The following TWNK variants were observed in gnomAD, a reference collection of about 807,000 sequenced individuals.
TWNK encodes twinkle mtDNA helicase, also known as T7 gp4-like protein with intramitochondrial nucleoid localization.
TWNK carries 36 observed loss-of-function variants against 58.2 expected under a neutral mutation model. That is an observed-to-expected ratio of 0.62 (90% CI 0.47 to 0.82). The LOEUF (loss-of-function observed/expected upper bound fraction) is 0.82, where lower values mean the gene tolerates loss of function less well. TWNK is among the 40% of genes least tolerant of loss of function. The pLI is 0.00. For synonymous variants in TWNK, 349 were observed against 348.5 expected, an observed-to-expected ratio of 1.00 and a Z score of -0.02; for missense variants, 714 against 881.0, an observed-to-expected ratio of 0.81 and a Z score of 2.40.
At position 100,994,155 on chromosome 10, in the gene TWNK, T is replaced by C. The variant is rs1851862500; in HGVS notation, c.*645T>C. The C allele has an allele frequency of 6.5e-6, 1 of 154,790 alleles. No homozygotes were observed. Among genetic ancestry groups the C allele is most frequent in the Non-Finnish European group, 1.4e-5 (1 of 69,764 alleles). 9.6% of individuals were successfully genotyped at this position (154,790 alleles called of 1,614,324 possible). A position where few individuals can be genotyped will look rare whatever the true frequency, so the allele number is the denominator to read the frequency against. On this transcript the variant is annotated 3_prime_UTR_variant, in exon 5 of 5. Coordinates refer to ENST00000311916, the MANE Select transcript of TWNK (RefSeq NM_021830.5). ...TACCAAGCTCCTCTGCTCCCCACTT[T>C]GTAGAGCCTAGCATGAGGTGGCATG...
rs1209775610 is a variant in TWNK at position 100,992,528 on chromosome 10, T to TAAA, written c.1735-639_1735-637dup. Reference sequence around the variant, plus strand: ...CCGTGCCCAGCTGAGACCCTGTCTTTAAAAAAAAAAAAAAAAAAAAAAAAA... The same window carrying TAAA: ...CCGTGCCCAGCTGAGACCCTGTCTTTAAAAAAAAAAAAAAAAAAAAAAAAAAAA... On this transcript the variant is annotated intron_variant, in intron 4 of 4. Coordinates refer to ENST00000311916, the MANE Select transcript of TWNK (RefSeq NM_021830.5). Among the ~76,000 whole-genome samples the TAAA allele has an allele frequency of 4.4e-4, 40 of 91,146 alleles. 1 individual carries two copies. Among genetic ancestry groups the TAAA allele is most frequent in the African/African-American group, 1.1e-3 (27 of 25,580 alleles). The allele number at this position is 91,146 out of a possible 152,430, so 59.8% of individuals were successfully genotyped here.
Position 100,988,759 on chromosome 10 carries a change from C to G in TWNK, c.549C>G (p.Thr183=). ...VQLADTMFGL[T]KVTDDTLKRF... ...TGGCTGATACAATGTTTGGCCTTAC[C>G]AAGGTTACAGATGACACACTCAAGC... The change falls in exon 1 of 5, where the codon ACC becomes ACG. Residue 183 remains threonine, a synonymous_variant. Transcript: ENST00000311916. The surrounding 1 kb of genome is among the most constrained non-coding windows in gnomAD (Gnocchi z 5.2). 2 of 1,614,156 alleles carry G rather than the reference C, an allele frequency of 1.2e-6. No homozygotes were observed. The highest frequency in any genetic ancestry group is 1.7e-6 in the Non-Finnish European group (2 of 1,180,030).
Position 100,989,976 on chromosome 10 carries a change from C to A in TWNK, c.1484+92C>A. Reference sequence around the variant, plus strand: ...TCCTTTTCCAGCTCCAGTAGGAACTCCCCCATCTCCTTAGGTTTGGAGTTT... The same window carrying A: ...TCCTTTTCCAGCTCCAGTAGGAACTACCCCATCTCCTTAGGTTTGGAGTTT... On this transcript the variant is annotated intron_variant, in intron 2 of 4. Coordinates refer to ENST00000311916, the MANE Select transcript of TWNK (RefSeq NM_021830.5). The surrounding 1 kb of genome is among the most constrained non-coding windows in gnomAD (Gnocchi z 7.6). The A allele has an allele frequency of 6.6e-7, 1 of 1,503,900 alleles. No individual in the cohort carries two copies. Among genetic ancestry groups the A allele is most frequent in the South Asian group, 1.1e-5 (1 of 88,618 alleles). The allele number at this position is 1,503,900 out of a possible 1,614,324, so 93.2% of individuals were successfully genotyped here.
In TWNK at chr10:100,988,885, A is replaced by G. The variant is rs1252195148; in HGVS notation, c.675A>G (p.Lys225=). The change falls in exon 1 of 5, where the codon AAA becomes AAG. Residue 225 remains lysine (K), a synonymous_variant. Coordinates refer to ENST00000311916, the MANE Select transcript of TWNK (RefSeq NM_021830.5). This position sits in a 1 kb window ranked among gnomAD's most constrained non-coding sequence, Gnocchi z 5.2. ...GLRGLKLLEA[K]CQGDGVSYEE... ...GAGGCCTGAAGCTCCTAGAGGCTAA[A>G]TGCCAGGGGGATGGAGTGAGCTACG... is the stretch of plus-strand genomic sequence containing the variant. 1 of 1,614,194 alleles carries G rather than the reference A, an allele frequency of 6.2e-7. No homozygotes were observed. The highest frequency in any genetic ancestry group is 1.1e-5 in the South Asian group (1 of 91,088).
Position 100,987,856 on chromosome 10 carries a change from G to T in TWNK, c.-355G>T. The T allele has an allele frequency of 1.7e-6, 1 of 594,252 alleles. No individual in the cohort carries two copies. 36.8% of individuals were successfully genotyped at this position (594,252 alleles called of 1,614,324 possible). ...TGACTATAGAAATGAGGACGACGAG[G>T]AGATGCTGTGGAGGAGCAGTAGAGG... On this transcript the variant is annotated 5_prime_UTR_variant, in exon 1 of 5. Transcript: ENST00000311916.
Position 100,988,543 on chromosome 10 carries a change from T to C in TWNK, c.333T>C (p.Phe111=), listed in dbSNP as rs1475991228. 9 of 1,614,020 alleles carry C rather than the reference T, an allele frequency of 5.6e-6. No homozygotes were observed. In the African/African-American group the frequency reaches 1.2e-4, roughly 22 times the overall value. ...TCATTGACAAGACCACAGGCCACTTTCTCTGCATGACCAGCCTAGCAGAAG... is the reference window on the plus strand; with the variant it reads ...TCATTGACAAGACCACAGGCCACTTCCTCTGCATGACCAGCCTAGCAGAAG... ...SLFIDKTTGH[F]LCMTSLAEGS... The change falls in exon 1 of 5, where the codon TTT becomes TTC. Residue 111 remains phenylalanine (F), a synonymous_variant. Coordinates refer to ENST00000311916, the MANE Select transcript of TWNK (RefSeq NM_021830.5). This position sits in a 1 kb window ranked among gnomAD's most constrained non-coding sequence, Gnocchi z 5.2.
At chr10:100,993,163 T>C in intron 4 of TWNK, 27 bp from the exon 5 acceptor site, 1 of 1,612,908 alleles carries the variant, frequency 6.2e-7, no homozygotes. Flanking sequence ...TACTCCTGCT[T>C]TCCTCCTTCT....
In TWNK at chr10:100,987,655, G is replaced by A; in HGVS notation, c.-556G>A. The A allele has an allele frequency of 1.5e-6, 1 of 646,988 alleles. No homozygotes were observed. Among genetic ancestry groups the A allele is most frequent in the Non-Finnish European group, 2.6e-6 (1 of 380,700 alleles). 40.1% of individuals were successfully genotyped at this position (646,988 alleles called of 1,614,324 possible). On this transcript the variant is annotated 5_prime_UTR_variant, in exon 1 of 5. Transcript: ENST00000311916. ...GGCCGGCGCGGCGGAGCTCGGAGTA[G>A]TAGAGCGGAGTGAAGACACGGGGGA... is the stretch of plus-strand genomic sequence containing the variant.
chr10:100,993,281 G>A lies in TWNK; in HGVS notation c.1826G>A (p.Arg609His), dbSNP rs1274226715. 6 of 1,614,236 alleles carry A rather than the reference G, an allele frequency of 3.7e-6. No individual in the cohort carries two copies. Among genetic ancestry groups the A allele is most frequent in the Non-Finnish European group, 5.1e-6 (6 of 1,180,050 alleles). ...CGGTATCTGCAGGTGTCCAAGAACC[G>A]CTTTGATGGAGATGTAGGTGTCTTC... ...GKRYLQVSKNRFDGDVGVFPL... is the reference protein window; with the variant it reads ...GKRYLQVSKNHFDGDVGVFPL... The change falls in exon 5 of 5, where the codon CGC (arginine) becomes CAC (histidine). Residue 609 changes from arginine (R) to histidine (H), a missense_variant. Coordinates refer to ENST00000311916, the MANE Select transcript of TWNK (RefSeq NM_021830.5).
rs62626293 is a variant in TWNK at position 100,993,357 on chromosome 10, C to T, written c.1902C>T (p.Asn634=). The change falls in exon 5 of 5, where the codon AAC becomes AAT. Residue 634 remains asparagine (N), a synonymous_variant. Transcript: ENST00000311916. ...NSLTFSIPPK[N]KARLKKIKDD... ...TCACCTTCTCCATTCCACCAAAGAACAAGGCCCGGCTCAAGAAGATCAAGG... is the reference window on the plus strand; with the variant it reads ...TCACCTTCTCCATTCCACCAAAGAATAAGGCCCGGCTCAAGAAGATCAAGG... 74 of 1,614,210 alleles carry T rather than the reference C, an allele frequency of 4.6e-5. No homozygotes were observed. Among genetic ancestry groups the T allele is most frequent in the Non-Finnish European group, 6.0e-5 (71 of 1,180,048 alleles).
In TWNK at chr10:100,990,524, G is replaced by T. The variant is rs371701332; in HGVS notation, c.1573G>T (p.Glu525Ter). The change falls in exon 3 of 5, where the codon GAG becomes TAG. Residue 525 changes from glutamate to a stop codon, truncating the protein, a stop_gained. Coordinates refer to ENST00000311916, the MANE Select transcript of TWNK (RefSeq NM_021830.5). LOFTEE classifies it high-confidence loss of function. Reference sequence around the variant, plus strand: ...CAACCTGCAGTTCATGATGGGTCACGAGCAGCTGTCCACAGACAGGTGACG... The same window carrying T: ...CAACCTGCAGTTCATGATGGGTCACTAGCAGCTGTCCACAGACAGGTGACG... ...IDNLQFMMGHEQLSTDRIAAQ... is the reference protein window; with the variant it reads ...IDNLQFMMGH The T allele has an allele frequency of 1.2e-6, 2 of 1,614,132 alleles. No homozygotes were observed. Among genetic ancestry groups the T allele is most frequent in the South Asian group, 1.1e-5 (1 of 91,050 alleles).
At position 100,989,467 on chromosome 10, in the gene TWNK, A is replaced by G. The variant is rs554596991; in HGVS notation, c.1243+14A>G. On this transcript the variant is annotated intron_variant, in intron 1 of 4. Transcript: ENST00000311916. The surrounding 1 kb of genome is among the most constrained non-coding windows in gnomAD (Gnocchi z 7.6). ...CGGTCTTCACAGGTAACCCTTTGAG[A>G]AATCACTACTTAGAGTAAAGGGGCA... 85 of 1,613,272 alleles carry G rather than the reference A, an allele frequency of 5.3e-5. No individual in the cohort carries two copies. In the South Asian group the frequency reaches 8.9e-4, roughly 17 times the overall value.
chr10:100,993,125 C>T, intron 4 of TWNK, 65 bp from the exon 5 acceptor site: 3 of 1,537,428 alleles, frequency 2.0e-6, no homozygotes, highest in Admixed American at 1.7e-5. Flanking sequence ...CCCTGTCAGC[C>T]CCCCTTTCTG....
Position 100,988,511 on chromosome 10 carries a change from A to G in TWNK, c.301A>G (p.Ser101Gly). 4 of 1,614,186 alleles carry G rather than the reference A, an allele frequency of 2.5e-6. No individual in the cohort carries two copies. The highest frequency in any genetic ancestry group is 3.4e-6 in the Non-Finnish European group (4 of 1,180,036). Residue 101 changes from serine to glycine, a missense_variant, in exon 1 of 5, where the codon AGC becomes GGC. By Grantham distance (56) the Ser-to-Gly change is moderately conservative. Coordinates refer to ENST00000311916, the MANE Select transcript of TWNK (RefSeq NM_021830.5). The surrounding 1 kb of genome is among the most constrained non-coding windows in gnomAD (Gnocchi z 5.2). ...KGQTGVTTSF[S>G]LFIDKTTGHF... The stretch of plus-strand genomic sequence containing the variant: ...CCAGACTGGTGTTACCACTTCCTTC[A>G]GCCTCTTCATTGACAAGACCACAGG...
chr10:100,987,903 CTGTG>C lies in TWNK; in HGVS notation c.-306_-303del, dbSNP rs146265037. 1 of 599,300 alleles carries C rather than the reference CTGTG, an allele frequency of 1.7e-6. No homozygotes were observed. Among genetic ancestry groups the C allele is most frequent in the Admixed American group, 3.0e-5 (1 of 33,654 alleles). The allele number at this position is 599,300 out of a possible 1,614,324, so 37.1% of individuals were successfully genotyped here. On this transcript the variant is annotated 5_prime_UTR_variant, in exon 1 of 5. An upstream open reading frame in the 5' UTR loses its in-frame stop. Coordinates refer to ENST00000311916, the MANE Select transcript of TWNK (RefSeq NM_021830.5). ...GAGGTGAGAAGATGATGCAAAGAAACTGTGTCAGTGAGGAACTGTATAGAGGGTC... is the reference window on the plus strand; with the variant it reads ...GAGGTGAGAAGATGATGCAAAGAAACTCAGTGAGGAACTGTATAGAGGGTC...
rs757207726 is a variant in TWNK at position 100,993,230 on chromosome 10, G to A, written c.1775G>A (p.Arg592Lys). 1 of 1,614,230 alleles carries A rather than the reference G, an allele frequency of 6.2e-7. No individual in the cohort carries two copies. Among genetic ancestry groups the A allele is most frequent in the South Asian group, 1.1e-5 (1 of 91,086 alleles). The change falls in exon 5 of 5, where the codon AGG (arginine) becomes AAG (lysine). Residue 592 changes from arginine (R) to lysine (K), a missense_variant. Transcript: ENST00000311916. ...EADNVLILQD[R>K]KLVTGPGKRY... The stretch of plus-strand genomic sequence containing the variant: ...GACAATGTTCTGATCCTGCAGGACA[G>A]GAAGCTGGTAACCGGGCCAGGGAAA...
rs1306644572 is a variant in TWNK, at chr10:100,987,875, G to A, written c.-336G>A. The A allele has an allele frequency of 1.7e-6, 1 of 599,076 alleles. No individual in the cohort carries two copies. Among genetic ancestry groups the A allele is most frequent in the Admixed American group, 3.0e-5 (1 of 33,440 alleles). The allele number at this position is 599,076 out of a possible 1,614,324, so 37.1% of individuals were successfully genotyped here. A position where few individuals can be genotyped will look rare whatever the true frequency, so the allele number is the denominator to read the frequency against. On this transcript the variant is annotated 5_prime_UTR_variant, in exon 1 of 5. Transcript: ENST00000311916. ...GACGAGGAGATGCTGTGGAGGAGCAGTAGAGGTGAGAAGATGATGCAAAGA... is the reference window on the plus strand; with the variant it reads ...GACGAGGAGATGCTGTGGAGGAGCAATAGAGGTGAGAAGATGATGCAAAGA...
At chr10:100,992,727 C>G (rs959797589) in intron 4 of TWNK, among the ~76,000 whole-genome samples, 2 of 151,486 alleles carry the variant, frequency 1.3e-5, no homozygotes, top group Non-Finnish European at 2.9e-5. Context: ...GCATCGTGGT[C>G]AGTAGTTCAA....
rs1004262960 is a variant in TWNK, at chr10:100,990,886, A to G, written c.1610A>G (p.Tyr537Cys). The G allele has an allele frequency of 6.2e-7, 1 of 1,614,250 alleles. No homozygotes were observed. Among genetic ancestry groups the G allele is most frequent in the African/African-American group, 1.3e-5 (1 of 75,060 alleles). Residue 537 changes from tyrosine to cysteine, a missense_variant, in exon 4 of 5, where the codon TAC becomes TGC. Transcript: ENST00000311916. ...TGGCGTAGGATCGCAGCTCAAGACT[A>G]CATCATCGGGGTCTTTCGGAAGTTT... ...LSTDRIAAQD[Y>C]IIGVFRKFAT...
Sources: allele counts gnomAD v4.1 joint callset (sites outside exome capture counted in the v4.1 genomes callset), GRCh38; gene constraint gnomAD v4.1.1; non-coding constraint Gnocchi (gnomAD v3.1); transcripts MANE v1.5; gene names NCBI Gene and HGNC (gene_info 2026-07-23, HGNC 2026-07-21).